RAI1: variants seen among roughly 807,000 people sequenced by gnomAD.
RAI1 encodes the protein retinoic acid-induced protein 1.
A neutral mutation model predicts 123.8 loss-of-function variants in RAI1; 9 were observed. The observed-to-expected ratio is 0.07, with a 90% CI of 0.04 to 0.13. The LOEUF (loss-of-function observed/expected upper bound fraction) is 0.13. Among genes scored for constraint, RAI1 ranks in the 10% least tolerant of loss-of-function variants. The pLI, the probability that RAI1 is intolerant of heterozygous loss-of-function variation, is 1.00. For synonymous variants in RAI1, 1,231 were observed against 1,127.3 expected (o/e 1.09, Z -1.84); for missense variants, 2,256 against 2,545.8 (o/e 0.89, Z 2.45).
chr17:17,784,157 C>G (rs779661243), intron 2 of RAI1, among the ~76,000 whole-genome samples: 4 of 152,178 alleles, frequency 2.6e-5, no homozygotes, highest in Non-Finnish European at 4.4e-5. Context: ...GGCGGCCTGA[C>G]AGGCGGCTTC....
intron 2 of RAI1, among the ~76,000 whole-genome samples, chr17:17,784,638 A>T (rs928247032): frequency 6.6e-6 from 1 of 152,122 alleles, no homozygotes; most frequent in Non-Finnish European, 1.5e-5. Context: ...AGGCAGCACC[A>T]CGTAGAAGCA....
intron 1 of RAI1, chr17:17,684,704 A>ATATATATATATG (rs1258508625): frequency 7.1e-4 from 85 of 119,448 alleles, no homozygotes; most frequent in East Asian, 3.4e-3. Flanking sequence ...ATATATATAT[A>ATATATATATATG]TATGTATGTA....
At chr17:17,707,706 C>G (rs777623022) in intron 1 of RAI1, among the ~76,000 whole-genome samples, 3 of 152,208 alleles carry the variant, frequency 2.0e-5, no homozygotes, top group Non-Finnish European at 4.4e-5. Flanking sequence ...GGTCCTCCCA[C>G]CTCAGCCTCC....
At chr17:17,769,744 G>A (rs1371818486) in intron 2 of RAI1, among the ~76,000 whole-genome samples, 1 of 152,192 alleles carries the variant, frequency 6.6e-6, no homozygotes, top group Non-Finnish European at 1.5e-5. Flanking sequence ...GGGGCAGCAA[G>A]CAAGGCCTGT....
At chr17:17,772,365 ACTGGCCTC>A (rs2031193279) in intron 2 of RAI1, among the ~76,000 whole-genome samples, 1 of 151,996 alleles carries the variant, frequency 6.6e-6, no homozygotes, top group Non-Finnish European at 1.5e-5. Flanking sequence ...CTTCCTGTTC[ACTGGCCTC>A]CTGGCCTCCC....
rs570163531 is a variant in RAI1, at chr17:17,699,675, G to T, written c.-149+17882G>T. ...AATTGCCAGTGAGTAATCGTTGAGT[G>T]ACTTCATTTCCAATTTCCAGTTTAC... is the stretch of plus-strand genomic sequence containing the variant. On this transcript the variant is annotated intron_variant, in intron 1 of 5. Coordinates refer to ENST00000353383, the MANE Select transcript of RAI1 (RefSeq NM_030665.4). 2.0e-5 allele frequency among the ~76,000 whole-genome samples: 3 copies of T among 152,098 alleles called. No homozygotes were observed. The South Asian group carries it at 6.2e-4, about 32-fold the overall frequency.
chr17:17,737,719 G>A (rs1298311424), intron 2 of RAI1, among the ~76,000 whole-genome samples: 1 of 152,170 alleles, frequency 6.6e-6, no homozygotes, highest in Non-Finnish European at 1.5e-5. Flanking sequence ...ACAGATGGAG[G>A]GGGGCTACAA....
intron 2 of RAI1, among the ~76,000 whole-genome samples, chr17:17,761,481 T>C: frequency 6.6e-6 from 1 of 152,132 alleles, no homozygotes; most frequent in East Asian, 1.9e-4. Flanking sequence ...CAGCTGTGGA[T>C]CCTGACCTGT....
intron 2 of RAI1, among the ~76,000 whole-genome samples, chr17:17,754,656 T>C (rs774859721): frequency 3.9e-5 from 6 of 152,248 alleles, no homozygotes; most frequent in Admixed American, 3.9e-4. Flanking sequence ...TAAACTGTTA[T>C]TAAAGCCATA....
chr17:17,803,705 A>G, intron 3 of RAI1, 51 bp from the exon 4 acceptor site: 1 of 1,542,160 alleles, frequency 6.5e-7, no homozygotes. Context: ...GTAAAGCTTG[A>G]GGGCTGGGCT....
In RAI1 at chr17:17,810,198, T is replaced by C; in HGVS notation, c.*217T>C. The C allele has an allele frequency of 1.5e-6, 1 of 664,752 alleles. No homozygotes were observed. Among genetic ancestry groups the C allele is most frequent in the Non-Finnish European group, 2.5e-6 (1 of 407,816 alleles). 41.2% of individuals were successfully genotyped at this position (664,752 alleles called of 1,614,324 possible). On this transcript the variant is annotated 3_prime_UTR_variant, in exon 6 of 6. Transcript: ENST00000353383. The surrounding 1 kb of genome is among the most constrained non-coding windows in gnomAD (Gnocchi z 4.6). ...GAAAACCCGTTCCGGAGCCGCCTGC[T>C]CCCGGAACCGGACGGCACAGGGCGT...
At chr17:17,792,179 G>A (rs545623413) in intron 2 of RAI1, among the ~76,000 whole-genome samples, 10 of 152,350 alleles carry the variant, frequency 6.6e-5, no homozygotes, top group East Asian at 1.9e-4. Flanking sequence ...AGGTGCTGCC[G>A]TCTTGCGTTC....
chr17:17,767,132 C>T (rs567102557), intron 2 of RAI1, among the ~76,000 whole-genome samples: 10 of 152,268 alleles, frequency 6.6e-5, no homozygotes, highest in Non-Finnish European at 1.2e-4. Context: ...GGGTGCACAC[C>T]GTCCAGAGCA....
intron 2 of RAI1, among the ~76,000 whole-genome samples, chr17:17,725,807 C>T (rs1185957058): frequency 6.6e-6 from 1 of 152,054 alleles, no homozygotes; most frequent in East Asian, 1.9e-4. Flanking sequence ...GAAGGCAATT[C>T]CTCTCCCTAC....
intron 2 of RAI1, among the ~76,000 whole-genome samples, chr17:17,785,114 C>G (rs1484775592): frequency 1.3e-5 from 2 of 152,186 alleles, no homozygotes; most frequent in African/African-American, 4.8e-5. Flanking sequence ...CTGTGTGTCT[C>G]CGGCACCCAG....
chr17:17,811,221 C>T lies in RAI1; in HGVS notation c.*1240C>T. 1 of 332,006 alleles carries T rather than the reference C, an allele frequency of 3.0e-6. No individual in the cohort carries two copies. The highest frequency in any genetic ancestry group is 5.9e-6 in the Non-Finnish European group (1 of 170,242). The allele number at this position is 332,006 out of a possible 1,614,324, so 20.6% of individuals were successfully genotyped here. On this transcript the variant is annotated 3_prime_UTR_variant, in exon 6 of 6. Coordinates refer to ENST00000353383, the MANE Select transcript of RAI1 (RefSeq NM_030665.4). ...TGGTAAACGTGTGTATTATATCTGG[C>T]CTCGTTATATAGTGTATATATATGT...
At chr17:17,695,546 A>G (rs1272752266) in intron 1 of RAI1, among the ~76,000 whole-genome samples, 1 of 128,108 alleles carries the variant, frequency 7.8e-6, no homozygotes, top group African/African-American at 3.1e-5. Flanking sequence ...TTTTTTTTTG[A>G]GCTAGAGTCT....
chr17:17,736,320 C>G (rs1916431660), intron 2 of RAI1, among the ~76,000 whole-genome samples: 1 of 152,196 alleles, frequency 6.6e-6, no homozygotes, highest in African/African-American at 2.4e-5. Flanking sequence ...TCTCAGTCAT[C>G]CCAAACTCTG....
chr17:17,761,015 G>A (rs1029355874), intron 2 of RAI1, among the ~76,000 whole-genome samples: 1 of 152,226 alleles, frequency 6.6e-6, no homozygotes, highest in Non-Finnish European at 1.5e-5. Context: ...CAGTGAAAGT[G>A]TTTTGGAGTC....
Sources: gnomAD v4.1 joint callset for allele counts (sites outside exome capture counted in the v4.1 genomes callset) on GRCh38, gnomAD v4.1.1 for gene constraint, Gnocchi (gnomAD v3.1) non-coding constraint, MANE v1.5 for transcripts, NCBI Gene and HGNC (gene_info 2026-07-23, HGNC 2026-07-21) for gene names.